The following WDR26 variants were observed in gnomAD, a reference collection of about 807,000 sequenced individuals.
WDR26 encodes WD repeat domain 26.
Under a neutral mutation model 84.1 loss-of-function variants are expected in WDR26, and 5 were observed. The observed-to-expected ratio is 0.06, with a 90% CI of 0.03 to 0.13. The LOEUF (loss-of-function observed/expected upper bound fraction) is 0.13, where lower values mean the gene tolerates loss of function less well. Among genes scored for constraint, WDR26 ranks in the 10% least tolerant of loss-of-function variants. The pLI is 1.00. For missense variants in WDR26, 642 were observed against 974.9 expected (o/e 0.66, Z 4.55); for synonymous variants, 415 against 389.6 (o/e 1.07, Z -0.77).
chr1:224,415,453 CTTTTT>C (rs149995544), intron 6 of WDR26, among the ~76,000 whole-genome samples: 15 of 82,348 alleles, frequency 1.8e-4, no homozygotes, highest in African/African-American at 6.3e-4. Flanking sequence ...GTATTTCTTT[CTTTTT>C]TTTTTTTTTT....
rs924385888 is a variant in WDR26, at chr1:224,433,884, C to T, written c.522G>A (p.Leu174=). ...CGCCGGGAACCCCGTTATTGACATT[C>T]AGGCTGTTGCTATTGTTGCTGGCGG... Residue 174 remains leucine (L), a synonymous_variant, in exon 1 of 14, where the codon CTG becomes CTA. Coordinates refer to ENST00000414423, the MANE Select transcript of WDR26 (RefSeq NM_001379403.1). The T allele has an allele frequency of 4.6e-6, 7 of 1,536,992 alleles. No homozygotes were observed. The highest frequency in any genetic ancestry group is 4.4e-6 in the Non-Finnish European group (5 of 1,146,786).
intron 7 of WDR26, among the ~76,000 whole-genome samples, chr1:224,406,395 G>C (rs564411310): frequency 6.6e-6 from 1 of 152,110 alleles, no homozygotes; most frequent in African/African-American, 2.4e-5. Flanking sequence ...TGAGCCTGGG[G>C]GGATGGGGGG....
chr1:224,401,462 T>A (rs1673411208), intron 8 of WDR26, among the ~76,000 whole-genome samples: 1 of 152,034 alleles, frequency 6.6e-6, no homozygotes, highest in East Asian at 1.9e-4. Context: ...ATAAATTTTA[T>A]TCTACAACTG....
At chr1:224,428,240 T>A (rs1368207690) in intron 3 of WDR26, among the ~76,000 whole-genome samples, 2 of 152,154 alleles carry the variant, frequency 1.3e-5, no homozygotes, top group African/African-American at 4.8e-5. Flanking sequence ...TAAACTGAAC[T>A]CAACATGAAA....
chr1:224,393,147 C>A (rs1393868995), intron 13 of WDR26, among the ~76,000 whole-genome samples: 1 of 152,148 alleles, frequency 6.6e-6, no homozygotes, highest in Non-Finnish European at 1.5e-5. Context: ...GTGGAAAAAA[C>A]CTTTCAGACT....
At chr1:224,404,594 A>G (rs1236681181) in intron 7 of WDR26, 24 bp from the exon 8 acceptor site, 3 of 1,598,034 alleles carry the variant, frequency 1.9e-6, no homozygotes, top group East Asian at 2.3e-5. Flanking sequence ...TAAACAATTC[A>G]GTTAACCCCT....
At chr1:224,415,860 A>G (rs1673888127) in intron 6 of WDR26, among the ~76,000 whole-genome samples, 1 of 152,224 alleles carries the variant, frequency 6.6e-6, no homozygotes. Context: ...TCAAAGGAAA[A>G]GTTTCAAAGT....
In WDR26 at chr1:224,394,005, C is replaced by G; in HGVS notation, c.2083G>C (p.Val695Leu). 2.0e-6 allele frequency: 3 copies of G among 1,509,330 alleles called. No individual in the cohort carries two copies. The highest frequency in any genetic ancestry group is 2.7e-6 in the Non-Finnish European group (3 of 1,108,378). The allele number at this position is 1,509,330 out of a possible 1,614,324, so 93.5% of individuals were successfully genotyped here. A position where few individuals can be genotyped will look rare whatever the true frequency, so the allele number is the denominator to read the frequency against. ...TCACTACGTTTGTGCCAGATGTAAA[C>G]CTTGTGATCTGAACATATAGTAATT... The change falls in exon 13 of 14, where the codon GTT becomes CTT. Residue 695 changes from valine (V) to leucine (L), a missense_variant. Val to Leu is a conservative substitution (Grantham distance 32). Transcript: ENST00000414423.
intron 7 of WDR26, among the ~76,000 whole-genome samples, chr1:224,407,151 A>AAAAAAAAAAATATATATATATAT: frequency 3.4e-4 from 4 of 11,874 alleles, no homozygotes; most frequent in Non-Finnish European, 5.6e-4. Context: ...AAAAAAAAAA[A>AAAAAAAAAAATATATATATATAT]ATATATATAT....
rs1672958188 is a variant in WDR26 at position 224,385,316 on chromosome 1, CATT to C, written c.*4516_*4518del. ...ATTTAAAGACGTTTAATACATTACA[CATT>C]TATAAAATAAAAGTCAACAAAGGGT... On this transcript the variant is annotated 3_prime_UTR_variant, in exon 14 of 14. Transcript: ENST00000414423. The C allele has an allele frequency of 6.6e-6, 1 of 152,108 alleles. No homozygotes were observed. The highest frequency in any genetic ancestry group is 6.5e-5 in the Admixed American group (1 of 15,278). 9.4% of individuals were successfully genotyped at this position (152,108 alleles called of 1,614,324 possible). A position where few individuals can be genotyped will look rare whatever the true frequency, so the allele number is the denominator to read the frequency against.
intron 6 of WDR26, chr1:224,413,312 A>G: frequency 8.0e-7 from 1 of 1,245,030 alleles, no homozygotes; most frequent in Non-Finnish European, 1.0e-6. Context: ...ATAATTTAGA[A>G]TTACATTTTG....
intron 9 of WDR26, 99 bp from the exon 10 acceptor site, chr1:224,399,133 G>GT: frequency 8.4e-7 from 1 of 1,195,008 alleles, no homozygotes; most frequent in Non-Finnish European, 1.1e-6. Context: ...TTTAGTAACA[G>GT]GTTTTTTTTT....
chr1:224,403,110 G>C (rs1673460711), intron 8 of WDR26, among the ~76,000 whole-genome samples: 1 of 151,834 alleles, frequency 6.6e-6, no homozygotes, highest in African/African-American at 2.4e-5. Context: ...TGTTGCCCAG[G>C]CTGGAGTGCA....
chr1:224,409,715 T>C (rs1435495079), intron 7 of WDR26, among the ~76,000 whole-genome samples: 1 of 151,252 alleles, frequency 6.6e-6, no homozygotes, highest in Non-Finnish European at 1.5e-5. Flanking sequence ...ATGAAAAAAT[T>C]AGCTGGGCGT....
intron 3 of WDR26, among the ~76,000 whole-genome samples, chr1:224,425,060 CA>C (rs1211083394): frequency 1.3e-5 from 2 of 152,036 alleles, no homozygotes; most frequent in African/African-American, 2.4e-5. Context: ...GGGTTTTATG[CA>C]ACAAGTTTTG....
intron 5 of WDR26, among the ~76,000 whole-genome samples, chr1:224,418,666 A>AG (rs1673974813): frequency 6.6e-6 from 1 of 152,162 alleles, no homozygotes; most frequent in Non-Finnish European, 1.5e-5. Context: ...AGGGGCAGGG[A>AG]GGATAAGTGA....
intron 7 of WDR26, among the ~76,000 whole-genome samples, chr1:224,407,126 A>T (rs1181390090): frequency 1.2e-4 from 2 of 16,408 alleles, no homozygotes; most frequent in African/African-American, 3.0e-4. Context: ...TGTCTTTAAA[A>T]AAAAAAAAAA....
At chr1:224,409,039 T>C (rs938265580) in intron 7 of WDR26, among the ~76,000 whole-genome samples, 1 of 152,266 alleles carries the variant, frequency 6.6e-6, no homozygotes, top group Non-Finnish European at 1.5e-5. Flanking sequence ...ACTGGGTATA[T>C]TAGTAATTAC....
At chr1:224,433,376 A>G (rs779882149) in intron 1 of WDR26, among the ~76,000 whole-genome samples, 1 of 152,050 alleles carries the variant, frequency 6.6e-6, no homozygotes, top group Admixed American at 6.5e-5. Context: ...CAGACAATTA[A>G]GCTCTGAAGG....
Sources: gnomAD v4.1 joint callset for allele counts (sites outside exome capture counted in the v4.1 genomes callset) on GRCh38, gnomAD v4.1.1 for gene constraint, MANE v1.5 for transcripts, NCBI Gene and HGNC (gene_info 2026-07-23, HGNC 2026-07-21) for gene names.